Variants in HS6ST2 observed in about 807,000 individuals in gnomAD.
HS6ST2 encodes heparan sulfate 6-O-sulfotransferase 2.
A neutral mutation model predicts 33.0 loss-of-function variants in HS6ST2; 17 were observed. That is an observed-to-expected ratio of 0.52 (90% CI 0.35 to 0.77). HS6ST2 has a LOEUF of 0.77. Among genes scored for constraint, HS6ST2 ranks in the 30% least tolerant of loss-of-function variants. The pLI is 0.01. For missense variants in HS6ST2, 519 were observed against 551.7 expected (o/e 0.94, Z 0.59); for synonymous variants, 248 against 237.1 (o/e 1.05, Z -0.42).
chrX:132,883,020 C>T (rs751544417), intron 2 of HS6ST2, among the ~76,000 whole-genome samples: 4 of 111,064 alleles, frequency 3.6e-5, no homozygotes, highest in African/African-American at 1.3e-4. Context: ...CTGCTGGATT[C>T]GGTTTGCCAG....
intron 2 of HS6ST2, among the ~76,000 whole-genome samples, chrX:132,769,327 G>A (rs12844906): frequency 0.041 from 4,638 of 112,048 alleles, 100 homozygotes; most frequent in Middle Eastern, 0.07. Context: ...TTTCAGAAGG[G>A]CCTGCAGCAT....
At chrX:132,637,898 A>G (rs1215782929) in intron 4 of HS6ST2, among the ~76,000 whole-genome samples, 1 of 51,928 alleles carries the variant, frequency 1.9e-5, no homozygotes, top group Non-Finnish European at 2.8e-5. Context: ...TATTTTATAT[A>G]TAATATTATA....
chrX:132,826,372 A>G (rs1012301459), intron 2 of HS6ST2, among the ~76,000 whole-genome samples: 4 of 111,706 alleles, frequency 3.6e-5, no homozygotes, highest in Non-Finnish European at 7.5e-5. Flanking sequence ...CACTTGAAAT[A>G]TAGCCAGCTT....
intron 4 of HS6ST2, among the ~76,000 whole-genome samples, chrX:132,642,352 G>A (rs976082294): frequency 7.2e-5 from 8 of 111,206 alleles, no homozygotes; most frequent in Non-Finnish European, 1.1e-4. Flanking sequence ...CCTAAATGAA[G>A]GCTTCCCTTC....
chrX:132,918,297 T>C (rs1212326922), intron 2 of HS6ST2, among the ~76,000 whole-genome samples: 1 of 112,246 alleles, frequency 8.9e-6, no homozygotes, highest in Admixed American at 9.4e-5. Context: ...GGTCTCCCCC[T>C]ATGAAATCTT....
intron 2 of HS6ST2, among the ~76,000 whole-genome samples, chrX:132,833,557 T>TA (rs755605053): frequency 1.8e-5 from 2 of 111,284 alleles, no homozygotes; most frequent in Non-Finnish European, 1.9e-5. Context: ...TTTGGCACTG[T>TA]AATCTGATGC....
chrX:132,660,286 T>C (rs764994865), intron 4 of HS6ST2, among the ~76,000 whole-genome samples: 1 of 111,316 alleles, frequency 9.0e-6, no homozygotes, highest in East Asian at 2.8e-4. Context: ...GAAAACCCTA[T>C]GAAGCATGCA....
At chrX:132,865,924 T>C (rs1457922279) in intron 2 of HS6ST2, among the ~76,000 whole-genome samples, 1 of 112,009 alleles carries the variant, frequency 8.9e-6, no homozygotes, top group Non-Finnish European at 1.9e-5. Context: ...TCCCATTTTG[T>C]AGGTTGCCTG....
chrX:132,695,142 C>A (rs1222916352), intron 3 of HS6ST2, among the ~76,000 whole-genome samples: 2 of 111,237 alleles, frequency 1.8e-5, no homozygotes, highest in Non-Finnish European at 3.8e-5. Flanking sequence ...CAAACCCATC[C>A]GCCACTTGGT....
At chrX:132,737,830 G>T (rs878898647) in intron 2 of HS6ST2, among the ~76,000 whole-genome samples, 2 of 112,383 alleles carry the variant, frequency 1.8e-5, no homozygotes, top group Admixed American at 1.9e-4. Context: ...GGCAGATTAG[G>T]CGTGGGAGGG....
chrX:132,651,774 C>T (rs1024829762), intron 4 of HS6ST2, among the ~76,000 whole-genome samples: 5 of 111,548 alleles, frequency 4.5e-5, no homozygotes, highest in African/African-American at 1.6e-4. Flanking sequence ...GCTGGGCCTG[C>T]CTGCCTCCTG....
In HS6ST2 at chrX:132,627,141, T is replaced by C. The variant is rs1244944788; in HGVS notation, c.*1082A>G. On this transcript the variant is annotated 3_prime_UTR_variant, in exon 5 of 5. Coordinates refer to ENST00000370833, the MANE Select transcript of HS6ST2 (RefSeq NM_001394073.1). ...CATTACAATAGAGATGTACAAAAAGTAAGTAAGAGTTCACATTTTAGGTTA... is the reference window on the plus strand; with the variant it reads ...CATTACAATAGAGATGTACAAAAAGCAAGTAAGAGTTCACATTTTAGGTTA... The C allele has an allele frequency of 8.9e-6, 1 of 112,503 alleles. No individual in the cohort carries two copies. Among genetic ancestry groups the C allele is most frequent in the East Asian group, 2.8e-4 (1 of 3,585 alleles). 9.3% of individuals were successfully genotyped at this position (112,503 alleles called of 1,213,427 possible).
chrX:132,661,568 C>A (rs891693948), intron 4 of HS6ST2, among the ~76,000 whole-genome samples: 4 of 111,786 alleles, frequency 3.6e-5, no homozygotes, highest in African/African-American at 1.3e-4. Flanking sequence ...TGGATAGATA[C>A]CCTGAGTTCA....
intron 2 of HS6ST2, among the ~76,000 whole-genome samples, chrX:132,728,447 G>A (rs7057178): frequency 6.7e-4 from 75 of 111,822 alleles, no homozygotes; most frequent in African/African-American, 2.4e-3. Context: ...GGCAGCGGGT[G>A]TGGGAGCCTC....
intron 2 of HS6ST2, among the ~76,000 whole-genome samples, chrX:132,854,495 C>T (rs923670595): frequency 1.8e-5 from 2 of 112,236 alleles, no homozygotes; most frequent in Non-Finnish European, 3.8e-5. Flanking sequence ...CCCTGCTGGG[C>T]AGAATAAAAT....
intron 2 of HS6ST2, among the ~76,000 whole-genome samples, chrX:132,742,974 A>C (rs1026852575): frequency 8.9e-6 from 1 of 111,780 alleles, no homozygotes; most frequent in African/African-American, 3.3e-5. Flanking sequence ...AGGAAGGCTA[A>C]ATGAGGAGCA....
chrX:132,685,245 C>A lies in HS6ST2; in HGVS notation c.981-16046G>T, dbSNP rs540908834. Among the ~76,000 whole-genome samples the A allele has an allele frequency of 3.6e-5, 4 of 112,048 alleles. No individual in the cohort carries two copies. In the East Asian group the frequency reaches 1.1e-3, roughly 31 times the overall value. On this transcript the variant is annotated intron_variant, in intron 3 of 4. Transcript: ENST00000370833. ...GATTTTTCATTCTGACCCAGGTTGTCACAAGCTCAATAATTCACTCAGGGA... is the reference window on the plus strand; with the variant it reads ...GATTTTTCATTCTGACCCAGGTTGTAACAAGCTCAATAATTCACTCAGGGA...
At chrX:132,638,175 A>G (rs2063576264) in intron 4 of HS6ST2, among the ~76,000 whole-genome samples, 1 of 105,367 alleles carries the variant, frequency 9.5e-6, no homozygotes, top group Admixed American at 1.1e-4. Flanking sequence ...CTCCCATTGC[A>G]TGTAAATGAC....
At chrX:132,836,168 C>T (rs1211028079) in intron 2 of HS6ST2, among the ~76,000 whole-genome samples, 1 of 111,333 alleles carries the variant, frequency 9.0e-6, no homozygotes, top group Admixed American at 9.6e-5. Context: ...GTACTTTCTT[C>T]CCCCAGCAGT....
Sources: allele counts gnomAD v4.1 joint callset (sites outside exome capture counted in the v4.1 genomes callset), GRCh38; gene constraint gnomAD v4.1.1; transcripts MANE v1.5; gene names NCBI Gene and HGNC (gene_info 2026-07-23, HGNC 2026-07-21).